Variants in IK observed in about 807,000 individuals in gnomAD.
IK encodes protein Red.
IK carries 47 observed loss-of-function variants against 90.9 expected under a neutral mutation model. The ratio of observed to expected loss-of-function variants is 0.52; its 90% CI spans 0.41 to 0.66. The LOEUF (loss-of-function observed/expected upper bound fraction) is 0.66. Ranked by LOEUF, IK falls within the 30% of genes least tolerant of loss-of-function variation. The pLI, the probability that IK is intolerant of heterozygous loss-of-function variation, is 0.00. For synonymous variants in IK, 201 were observed against 227.5 expected (o/e 0.88, Z 1.05); for missense variants, 385 against 709.3 (o/e 0.54, Z 5.19).
intron 11 of IK, 36 bp downstream of exon 11, chr5:140,658,812 AG>A (rs1757750927): frequency 6.2e-7 from 1 of 1,602,168 alleles, no homozygotes; most frequent in Non-Finnish European, 8.5e-7. Context: ...GATCAGAGGG[AG>A]GGGGTCTGTA....
chr5:140,660,720 G>A (rs1330841746), intron 15 of IK, 38 bp from the exon 16 acceptor site: 14 of 1,537,356 alleles, frequency 9.1e-6, no homozygotes, highest in South Asian at 1.1e-5. Flanking sequence ...CATAGGGTCA[G>A]GGTATGCAAC....
chr5:140,653,519 A>G (rs1485703841), intron 5 of IK, among the ~76,000 whole-genome samples: 1 of 149,684 alleles, frequency 6.7e-6, no homozygotes, highest in African/African-American at 2.5e-5. Context: ...ATCTGACCTC[A>G]TGATCCACCC....
chr5:140,660,232 G>T, intron 15 of IK, 37 bp downstream of exon 15: 1 of 1,413,160 alleles, frequency 7.1e-7, no homozygotes, highest in South Asian at 1.2e-5. Context: ...AGGCTGGGAT[G>T]ATTGGGAAAC....
At position 140,648,454 on chromosome 5, in the gene IK, T is replaced by C; in HGVS notation, c.17-17T>C. 2 of 1,613,550 alleles carry C rather than the reference T, an allele frequency of 1.2e-6. No homozygotes were observed. The highest frequency in any genetic ancestry group is 2.2e-5 in the East Asian group (1 of 44,880). ...ACGTAAGAGACTGATTAAATTAACG[T>C]CAATTTTTTTTGTCAGGTGAGCCGT... On this transcript the variant is annotated splice_polypyrimidine_tract_variant and intron_variant, in intron 1 of 19. Transcript: ENST00000417647.
At chr5:140,660,000 C>A in intron 14 of IK, 115 bp from the exon 15 acceptor site, 2 of 989,922 alleles carry the variant, frequency 2.0e-6, no homozygotes, top group Non-Finnish European at 3.1e-6. Context: ...CCCATAACAG[C>A]TCACAGCCCA....
In IK at chr5:140,652,164, G is replaced by A; in HGVS notation, c.236+17G>A. ...AAAGAAAAGGTGAAGGAAGGGTGAAGGGTTTTAGATTTTAAGGTGGATAGT... is the reference window on the plus strand; with the variant it reads ...AAAGAAAAGGTGAAGGAAGGGTGAAAGGTTTTAGATTTTAAGGTGGATAGT... On this transcript the variant is annotated intron_variant, in intron 4 of 19. Transcript: ENST00000417647. 6.2e-7 allele frequency: 1 copy of A among 1,603,240 alleles called. No individual in the cohort carries two copies. Among genetic ancestry groups the A allele is most frequent in the Non-Finnish European group, 8.5e-7 (1 of 1,170,130 alleles).
At chr5:140,651,626 T>C (rs531659467) in intron 2 of IK, 88 bp from the exon 3 acceptor site, 2 of 716,462 alleles carry the variant, frequency 2.8e-6, no homozygotes, top group African/African-American at 3.6e-5. Flanking sequence ...ATTTCCCTGA[T>C]TTCTGTTAAT....
In IK at chr5:140,659,183, G is replaced by C. The variant is rs767861609; in HGVS notation, c.1176+19G>C. 3.8e-6 allele frequency: 6 copies of C among 1,592,292 alleles called. No homozygotes were observed. The Middle Eastern group carries it at 5.0e-4, about 132-fold the overall frequency. On this transcript the variant is annotated intron_variant, in intron 12 of 19. Transcript: ENST00000417647. The stretch of plus-strand genomic sequence containing the variant: ...TGATGAGGTGAGATGTGGGCCCTTA[G>C]TACCAGGTGATGGAGTTGCCCCTCT...
intron 5 of IK, among the ~76,000 whole-genome samples, chr5:140,653,712 C>A (rs1254222266): frequency 1.3e-5 from 2 of 150,110 alleles, no homozygotes; most frequent in Non-Finnish European, 1.5e-5. Flanking sequence ...TCAGGCGATT[C>A]TCTTGCCTCA....
Position 140,647,830 on chromosome 5 carries a change from C to A in IK, c.-79C>A. 1 of 1,549,054 alleles carries A rather than the reference C, an allele frequency of 6.5e-7. No homozygotes were observed. The highest frequency in any genetic ancestry group is 8.9e-7 in the Non-Finnish European group (1 of 1,120,578). The stretch of plus-strand genomic sequence containing the variant: ...AGCAGTGTGGGTTGATTCTGAGGTG[C>A]ACTGTGGGAAAGAGCTTGTCGCTGC... On this transcript the variant is annotated 5_prime_UTR_variant, in exon 1 of 20. Transcript: ENST00000417647.
chr5:140,660,233 ATTGGGAAACAAG>A (rs1735107710), intron 15 of IK, 38 bp downstream of exon 15: 2 of 1,338,986 alleles, frequency 1.5e-6, no homozygotes, highest in Admixed American at 3.6e-5. Flanking sequence ...GGCTGGGATG[ATTGGGAAACAAG>A]TTGGGGGTGA....
At chr5:140,651,046 A>G (rs981838831) in intron 2 of IK, among the ~76,000 whole-genome samples, 1 of 152,240 alleles carries the variant, frequency 6.6e-6, no homozygotes, top group African/African-American at 2.4e-5. Flanking sequence ...AATTGGTTAT[A>G]CTGGTTTACA....
At chr5:140,651,934 GC>G in intron 3 of IK, 128 bp downstream of exon 3, 3 of 809,228 alleles carry the variant, frequency 3.7e-6, no homozygotes, top group Non-Finnish European at 6.3e-6. Context: ...TTTGAGAACT[GC>G]CCACCTACAA....
At chr5:140,651,204 C>G (rs1051189906) in intron 2 of IK, among the ~76,000 whole-genome samples, 2 of 152,120 alleles carry the variant, frequency 1.3e-5, no homozygotes, top group African/African-American at 4.8e-5. Flanking sequence ...ATAATCCCAG[C>G]ACTTTGGGAG....
intron 2 of IK, chr5:140,649,122 C>A (rs1757561669): frequency 6.5e-6 from 1 of 153,378 alleles, no homozygotes; most frequent in Non-Finnish European, 1.5e-5. Flanking sequence ...CAGGCGTGAG[C>A]CACCGTGCCT....
At chr5:140,652,688 A>G (rs1175145137) in intron 4 of IK, among the ~76,000 whole-genome samples, 3 of 152,154 alleles carry the variant, frequency 2.0e-5, no homozygotes, top group Admixed American at 6.5e-5. Flanking sequence ...TGTGTGGAAA[A>G]GTCTTATATC....
At position 140,661,466 on chromosome 5, in the gene IK, A is replaced by C; in HGVS notation, c.1414-154A>C. ...ACAGAATAATGCCTGTCACATAGTA[A>C]GTATGTAATAAGCATTTATTATTAC... On this transcript the variant is annotated intron_variant, in intron 16 of 19. Transcript: ENST00000417647. The surrounding 1 kb of genome is among the most constrained non-coding windows in gnomAD (Gnocchi z 4.2). The C allele has an allele frequency of 3.2e-6, 2 of 617,266 alleles. No individual in the cohort carries two copies. The highest frequency in any genetic ancestry group is 3.7e-5 in the African/African-American group (2 of 54,026). The allele number at this position is 617,266 out of a possible 1,614,324, so 38.2% of individuals were successfully genotyped here.
At position 140,651,706 on chromosome 5, in the gene IK, T is replaced by C; in HGVS notation, c.84-8T>C. On this transcript the variant is annotated splice_region_variant and splice_polypyrimidine_tract_variant and intron_variant, in intron 2 of 19. Coordinates refer to ENST00000417647, the MANE Select transcript of IK (RefSeq NM_006083.4). ...CCTAATATTTAAAATCTTTGCCTTTTCTTCTAGATCAAAACTCACCAATGA... is the reference window on the plus strand; with the variant it reads ...CCTAATATTTAAAATCTTTGCCTTTCCTTCTAGATCAAAACTCACCAATGA... 2 of 1,554,834 alleles carry C rather than the reference T, an allele frequency of 1.3e-6. No homozygotes were observed. Among genetic ancestry groups the C allele is most frequent in the Non-Finnish European group, 1.8e-6 (2 of 1,131,260 alleles).
intron 10 of IK, among the ~76,000 whole-genome samples, chr5:140,658,225 C>A (rs958453241): frequency 1.3e-5 from 2 of 152,140 alleles, no homozygotes; most frequent in African/African-American, 4.8e-5. Context: ...TGGCTGGCCT[C>A]GAACTCCTGA....
Sources: allele counts gnomAD v4.1 joint callset (sites outside exome capture counted in the v4.1 genomes callset), GRCh38; gene constraint gnomAD v4.1.1; non-coding constraint Gnocchi (gnomAD v3.1); transcripts MANE v1.5; gene names NCBI Gene and HGNC (gene_info 2026-07-23, HGNC 2026-07-21).